The following THADA variants were observed in gnomAD, a reference collection of about 807,000 sequenced individuals.
THADA encodes the protein THADA armadillo repeat containing.
A neutral mutation model predicts 219.8 loss-of-function variants in THADA; 213 were observed. The ratio of observed to expected loss-of-function variants is 0.97; its 90% CI spans 0.87 to 1.09. THADA has a LOEUF of 1.09. Ranked by LOEUF, THADA falls within the 50% of genes least tolerant of loss-of-function variation. The pLI is 0.00. For missense variants in THADA, 2,956 were observed against 2,311.3 expected, an observed-to-expected ratio of 1.28 and a Z score of -5.72; for synonymous variants, 1,018 against 828.9, an observed-to-expected ratio of 1.23 and a Z score of -3.92.
chr2:43,400,840 A>G (rs1052228355), intron 28 of THADA, among the ~76,000 whole-genome samples: 1 of 152,172 alleles, frequency 6.6e-6, no homozygotes, highest in Non-Finnish European at 1.5e-5. Context: ...GAGTAGCCCC[A>G]AAAAGAGAAT....
rs780697257 is a variant in THADA at position 43,586,674 on chromosome 2, T to C, written c.484+28A>G. 3.1e-6 allele frequency: 5 copies of C among 1,600,686 alleles called. No homozygotes were observed. The East Asian group carries it at 8.9e-5, about 29-fold the overall frequency. ...ATGACTCATACAAGCCATCAACTCA[T>C]GGAACAAAATAAAATAATAGGACTT... On this transcript the variant is annotated intron_variant, in intron 6 of 37. Transcript: ENST00000405975.
At chr2:43,301,268 T>G (rs1676232691) in intron 31 of THADA, among the ~76,000 whole-genome samples, 1 of 152,118 alleles carries the variant, frequency 6.6e-6, no homozygotes, top group Admixed American at 6.5e-5. Flanking sequence ...AACTAGAAAA[T>G]TCACCATGCC....
intron 28 of THADA, among the ~76,000 whole-genome samples, chr2:43,427,310 C>T (rs376471963): frequency 1.3e-5 from 2 of 152,258 alleles, no homozygotes; most frequent in African/African-American, 4.8e-5. Context: ...AAACATGGGG[C>T]TATGTCTTTC....
At chr2:43,397,547 G>C (rs1398392670) in intron 29 of THADA, among the ~76,000 whole-genome samples, 2 of 151,894 alleles carry the variant, frequency 1.3e-5, no homozygotes, top group Non-Finnish European at 2.9e-5. Context: ...TGTGCCACAG[G>C]GCAAACTCTC....
At chr2:43,472,121 T>TA (rs1394000513) in intron 26 of THADA, among the ~76,000 whole-genome samples, 1 of 152,138 alleles carries the variant, frequency 6.6e-6, no homozygotes, top group Non-Finnish European at 1.5e-5. Flanking sequence ...GAAACCTCCA[T>TA]AAAAAATGCC....
intron 29 of THADA, among the ~76,000 whole-genome samples, chr2:43,386,852 C>T (rs1672748781): frequency 6.7e-6 from 1 of 148,696 alleles, no homozygotes; most frequent in Non-Finnish European, 1.5e-5. Flanking sequence ...GAGCCGAGAG[C>T]ATGCCACTGC....
intron 26 of THADA, among the ~76,000 whole-genome samples, chr2:43,442,907 C>T (rs1681028389): frequency 6.6e-6 from 1 of 152,154 alleles, no homozygotes; most frequent in South Asian, 2.1e-4. Context: ...CCTCTGCTGC[C>T]CACCGCACCC....
At chr2:43,402,578 A>G (rs957047746) in intron 28 of THADA, among the ~76,000 whole-genome samples, 1 of 152,182 alleles carries the variant, frequency 6.6e-6, no homozygotes, top group Non-Finnish European at 1.5e-5. Flanking sequence ...TTCAAAGGTA[A>G]GTGGCTATAC....
chr2:43,438,299 CAAAA>C (rs56108896), intron 26 of THADA, among the ~76,000 whole-genome samples: 1 of 85,968 alleles, frequency 1.2e-5, no homozygotes, highest in Admixed American at 1.3e-4. Flanking sequence ...GACTCCATCT[CAAAA>C]AAAAAAAAAA....
chr2:43,572,737 G>T, intron 12 of THADA, 77 bp downstream of exon 12: 1 of 1,323,294 alleles, frequency 7.6e-7, no homozygotes, highest in Non-Finnish European at 1.0e-6. Flanking sequence ...AGGATACAAT[G>T]TAGGGGCCTC....
At chr2:43,545,454 A>G (rs1296790099) in intron 20 of THADA, among the ~76,000 whole-genome samples, 2 of 151,904 alleles carry the variant, frequency 1.3e-5, no homozygotes, top group Non-Finnish European at 2.9e-5. Flanking sequence ...GAATGGTACC[A>G]GTTCCTCCTT....
rs111286838 is a variant in THADA, at chr2:43,348,965, C to T, written c.4228-4728G>A. 6.8e-3 allele frequency among the ~76,000 whole-genome samples: 1,040 copies of T among 152,248 alleles called. 8 individuals carry two copies. Among genetic ancestry groups the T allele is most frequent in the African/African-American group, 0.024 (983 of 41,538 alleles). ...CCCTTGGAGAAGGGTTAGAGGTGGA[C>T]ATAGGGGTCATCAGCACAAGAAACA... On this transcript the variant is annotated intron_variant, in intron 29 of 37. Transcript: ENST00000405975.
intron 29 of THADA, among the ~76,000 whole-genome samples, chr2:43,353,131 T>C (rs1204885920): frequency 6.6e-6 from 1 of 152,232 alleles, no homozygotes; most frequent in Non-Finnish European, 1.5e-5. Context: ...TATCTCAGTT[T>C]CTTTATTCAT....
chr2:43,245,869 T>C (rs1669089140), intron 36 of THADA, among the ~76,000 whole-genome samples: 1 of 152,046 alleles, frequency 6.6e-6, no homozygotes, highest in African/African-American at 2.4e-5. Context: ...AAGAAGATAA[T>C]GTTTCTCTCT....
At chr2:43,258,437 G>A (rs924216430) in intron 36 of THADA, among the ~76,000 whole-genome samples, 1 of 152,164 alleles carries the variant, frequency 6.6e-6, no homozygotes, top group Non-Finnish European at 1.5e-5. Flanking sequence ...TGGGAGAATC[G>A]CTTGAGCCTG....
chr2:43,262,129 T>C (rs1438317462), intron 36 of THADA, among the ~76,000 whole-genome samples: 1 of 152,226 alleles, frequency 6.6e-6, no homozygotes, highest in African/African-American at 2.4e-5. Flanking sequence ...TGTTTCCTTC[T>C]TCCTTAGCAA....
In THADA at chr2:43,469,989, T is replaced by C. The variant is rs928320966; in HGVS notation, c.3836+15245A>G. 7.9e-5 allele frequency among the ~76,000 whole-genome samples: 12 copies of C among 152,024 alleles called. No homozygotes were observed. The East Asian group carries it at 2.3e-3, about 29-fold the overall frequency. On this transcript the variant is annotated intron_variant, in intron 26 of 37. Coordinates refer to ENST00000405975, the MANE Select transcript of THADA (RefSeq NM_022065.5). ...ACTATGGAAGGCTGAGGCAGGCAGA[T>C]CACTTGAGCTCAGGAGTTTGAGGCC... is the stretch of plus-strand genomic sequence containing the variant.
chr2:43,435,683 T>C (rs1005972935), intron 26 of THADA, among the ~76,000 whole-genome samples: 2 of 150,110 alleles, frequency 1.3e-5, no homozygotes, highest in African/African-American at 4.9e-5. Flanking sequence ...CTTAGGAGGC[T>C]GATGCGACAG....
chr2:43,248,762 T>G (rs1463063866), intron 36 of THADA, among the ~76,000 whole-genome samples: 2 of 151,882 alleles, frequency 1.3e-5, no homozygotes, highest in Non-Finnish European at 2.9e-5. Flanking sequence ...TATTTAGCCC[T>G]CACTCAGAAG....
Sources: gnomAD v4.1 joint callset for allele counts (sites outside exome capture counted in the v4.1 genomes callset) on GRCh38, gnomAD v4.1.1 for gene constraint, MANE v1.5 for transcripts, NCBI Gene and HGNC (gene_info 2026-07-23, HGNC 2026-07-21) for gene names.